The following CHN1 variants were observed in gnomAD, a reference collection of about 807,000 sequenced individuals.
CHN1 encodes the protein chimerin 1, also known as N-chimaerin.
CHN1 carries 37 observed loss-of-function variants against 59.5 expected under a neutral mutation model. The observed-to-expected ratio is 0.62, with a 90% CI of 0.48 to 0.82. CHN1 has a LOEUF of 0.82. CHN1 is among the 40% of genes least tolerant of loss of function. The probability of loss-of-function intolerance (pLI) is 0.00; values close to 1 mark genes in which losing one functional copy is unlikely to be tolerated. For synonymous variants in CHN1, 206 were observed against 200.4 expected (o/e 1.03, Z -0.24); for missense variants, 469 against 571.0 (o/e 0.82, Z 1.82).
chr2:174,831,489 AATCTGG>A (rs1378477758), intron 7 of CHN1, among the ~76,000 whole-genome samples: 1 of 152,156 alleles, frequency 6.6e-6, no homozygotes, highest in Non-Finnish European at 1.5e-5. Flanking sequence ...GAAACCCAAG[AATCTGG>A]ATGTGGAAAT....
intron 6 of CHN1, chr2:174,847,379 A>C (rs1686557853): frequency 1.6e-6 from 2 of 1,247,174 alleles, no homozygotes; most frequent in African/African-American, 1.5e-5. Context: ...TAAAAACTTG[A>C]GTCTGAACAG....
At chr2:174,811,434 A>C in intron 10 of CHN1, 77 bp downstream of exon 10, 1 of 952,624 alleles carries the variant, frequency 1.0e-6, no homozygotes, top group Non-Finnish European at 1.6e-6. Flanking sequence ...TAATGCAAAA[A>C]ATACCTCACA....
intron 7 of CHN1, among the ~76,000 whole-genome samples, chr2:174,833,975 T>C (rs1045385428): frequency 3.3e-5 from 5 of 152,046 alleles, no homozygotes; most frequent in African/African-American, 1.2e-4. Context: ...CTCTTTCTCT[T>C]TTCTTTTCTA....
intron 7 of CHN1, chr2:174,837,377 T>A (rs1377637479): frequency 6.6e-6 from 1 of 152,188 alleles, no homozygotes; most frequent in East Asian, 1.9e-4. Context: ...TAGGCCTGAT[T>A]TGGGCAAATC....
At chr2:174,840,944 T>C (rs1686278825) in intron 7 of CHN1, among the ~76,000 whole-genome samples, 1 of 152,076 alleles carries the variant, frequency 6.6e-6, no homozygotes, top group African/African-American at 2.4e-5. Context: ...TGATAAGTAA[T>C]TTGTGTCAGC....
At chr2:174,889,893 G>C (rs541499775) in intron 5 of CHN1, among the ~76,000 whole-genome samples, 13 of 152,158 alleles carry the variant, frequency 8.5e-5, no homozygotes, top group South Asian at 2.1e-4. Flanking sequence ...GTGTGTGTGT[G>C]TGTGTGTGCA....
intron 5 of CHN1, among the ~76,000 whole-genome samples, chr2:174,881,735 A>G (rs1458926645): frequency 6.6e-6 from 1 of 152,218 alleles, no homozygotes; most frequent in Non-Finnish European, 1.5e-5. Flanking sequence ...ACAGTTAACA[A>G]AAGGCAAGGA....
intron 5 of CHN1, among the ~76,000 whole-genome samples, chr2:174,911,814 G>C (rs936952796): frequency 1.3e-5 from 2 of 152,168 alleles, no homozygotes; most frequent in African/African-American, 4.8e-5. Flanking sequence ...CGTGTTCTTT[G>C]AAACTCTGTG....
At chr2:174,894,611 C>A (rs572591259) in intron 5 of CHN1, among the ~76,000 whole-genome samples, 1 of 152,066 alleles carries the variant, frequency 6.6e-6, no homozygotes, top group Non-Finnish European at 1.5e-5. Flanking sequence ...CCCAGCAATC[C>A]GACTTCCGCA....
At chr2:174,970,419 A>G (rs1205006588) in intron 1 of CHN1, among the ~76,000 whole-genome samples, 1 of 152,230 alleles carries the variant, frequency 6.6e-6, no homozygotes, top group East Asian at 1.9e-4. Flanking sequence ...AACTAACTGT[A>G]TTTACTGCCA....
chr2:174,885,730 A>G (rs1687876381), intron 5 of CHN1, among the ~76,000 whole-genome samples: 1 of 152,056 alleles, frequency 6.6e-6, no homozygotes, highest in South Asian at 2.1e-4. Context: ...CTCAGCCTCC[A>G]AAAGTGCTGG....
intron 6 of CHN1, among the ~76,000 whole-genome samples, chr2:174,869,131 C>G (rs1352374340): frequency 2.0e-5 from 3 of 152,176 alleles, no homozygotes; most frequent in Admixed American, 2.0e-4. Flanking sequence ...AGCAGAGGCT[C>G]TTCTCCCTGC....
At chr2:174,841,534 A>T (rs1686301840) in intron 7 of CHN1, among the ~76,000 whole-genome samples, 1 of 152,194 alleles carries the variant, frequency 6.6e-6, no homozygotes, top group Non-Finnish European at 1.5e-5. Flanking sequence ...GACAGAACCT[A>T]TGCTACATAC....
At chr2:174,961,516 G>A (rs961185435) in intron 1 of CHN1, among the ~76,000 whole-genome samples, 10 of 151,802 alleles carry the variant, frequency 6.6e-5, no homozygotes, top group South Asian at 4.2e-4. Context: ...GCTTGAACCC[G>A]GGAGGCGGAG....
At chr2:174,955,236 TATAGAG>T (rs1335805513) in intron 1 of CHN1, among the ~76,000 whole-genome samples, 1 of 147,934 alleles carries the variant, frequency 6.8e-6, no homozygotes, top group Non-Finnish European at 1.5e-5. Context: ...GATATAGATA[TATAGAG>T]ATAAATAGAT....
At chr2:174,998,062 G>C (rs897338376) in intron 1 of CHN1, among the ~76,000 whole-genome samples, 1 of 150,752 alleles carries the variant, frequency 6.6e-6, no homozygotes, top group Non-Finnish European at 1.5e-5. Flanking sequence ...CAGCACTTTG[G>C]GGGGCCGAGA....
chr2:174,998,181 T>C (rs959767933), intron 1 of CHN1, among the ~76,000 whole-genome samples: 1 of 150,882 alleles, frequency 6.6e-6, no homozygotes, highest in Admixed American at 6.7e-5. Context: ...CACATGCCTA[T>C]GGTCCCAGCT....
intron 1 of CHN1, among the ~76,000 whole-genome samples, chr2:174,962,146 G>A (rs1014139706): frequency 2.0e-5 from 3 of 151,762 alleles, no homozygotes; most frequent in Non-Finnish European, 4.4e-5. Flanking sequence ...TTAGCCGGGC[G>A]GGGTGGCGCG....
intron 5 of CHN1, among the ~76,000 whole-genome samples, chr2:174,888,297 C>A (rs1687948581): frequency 6.6e-6 from 1 of 152,030 alleles, no homozygotes; most frequent in Admixed American, 6.5e-5. Context: ...AGAATGACCA[C>A]AATTGAGAGC....
Sources: allele counts gnomAD v4.1 joint callset (sites outside exome capture counted in the v4.1 genomes callset), GRCh38; gene constraint gnomAD v4.1.1; transcripts MANE v1.5; gene names NCBI Gene and HGNC (gene_info 2026-07-23, HGNC 2026-07-21).